ADARB2: variants seen among roughly 807,000 people sequenced by gnomAD.
ADARB2 encodes adenosine deaminase RNA specific B2 (inactive).
ADARB2 carries 25 observed loss-of-function variants against 62.2 expected under a neutral mutation model. The ratio of observed to expected loss-of-function variants is 0.40; its 90% CI spans 0.29 to 0.56. The LOEUF is 0.56. Among genes scored for constraint, ADARB2 ranks in the 20% least tolerant of loss-of-function variants. The pLI, the probability that ADARB2 is intolerant of heterozygous loss-of-function variation, is 0.43. For synonymous variants in ADARB2, 572 were observed against 500.8 expected, an observed-to-expected ratio of 1.14 and a Z score of -1.90; for missense variants, 1,071 against 1,077.4, an observed-to-expected ratio of 0.99 and a Z score of 0.08.
chr10:1,603,160 CA>C (rs1833448431), intron 1 of ADARB2, among the ~76,000 whole-genome samples: 1 of 86,666 alleles, frequency 1.2e-5, no homozygotes, highest in East Asian at 5.3e-4. Context: ...CCTGTACACA[CA>C]TTAACACACA....
At chr10:1,454,823 T>A (rs1461268671) in intron 1 of ADARB2, among the ~76,000 whole-genome samples, 5 of 152,202 alleles carry the variant, frequency 3.3e-5, no homozygotes, top group Non-Finnish European at 7.3e-5. Flanking sequence ...GGGTACATTT[T>A]GTGTTATGTA....
chr10:1,562,137 T>A (rs1343292751), intron 1 of ADARB2, among the ~76,000 whole-genome samples: 1 of 151,760 alleles, frequency 6.6e-6, no homozygotes, highest in Non-Finnish European at 1.5e-5. Flanking sequence ...TTGGTTCTTC[T>A]GCCTGGAGCA....
At chr10:1,724,965 G>A (rs541714860) in intron 1 of ADARB2, among the ~76,000 whole-genome samples, 1 of 152,330 alleles carries the variant, frequency 6.6e-6, no homozygotes, top group East Asian at 1.9e-4. Context: ...CAATGCACAT[G>A]AAGCTGTTAG....
intron 1 of ADARB2, among the ~76,000 whole-genome samples, chr10:1,545,709 T>A (rs1215125998): frequency 6.6e-6 from 1 of 152,178 alleles, no homozygotes; most frequent in Non-Finnish European, 1.5e-5. Context: ...CTATGGTGAC[T>A]GTGCTGCACT....
At chr10:1,623,271 G>A (rs11250672) in intron 1 of ADARB2, among the ~76,000 whole-genome samples, 24,089 of 152,094 alleles carry the variant, frequency 0.16, 2,000 homozygotes, top group Non-Finnish European at 0.19. Flanking sequence ...GACGTGAGGC[G>A]CATCCCAGGT....
At chr10:1,243,246 G>A (rs546948614) in intron 4 of ADARB2, among the ~76,000 whole-genome samples, 2 of 152,366 alleles carry the variant, frequency 1.3e-5, no homozygotes, top group East Asian at 1.9e-4. Flanking sequence ...GGCTGGGCCC[G>A]GATCGCAGGC....
chr10:1,613,954 C>A (rs566793788), intron 1 of ADARB2, among the ~76,000 whole-genome samples: 3 of 152,152 alleles, frequency 2.0e-5, no homozygotes, highest in African/African-American at 7.2e-5. Context: ...ATTTTTTATA[C>A]CTTGGCAAAA....
chr10:1,396,144 G>A (rs1486013382), intron 1 of ADARB2, among the ~76,000 whole-genome samples: 1 of 152,210 alleles, frequency 6.6e-6, no homozygotes, highest in African/African-American at 2.4e-5. Context: ...TAATAGCTGA[G>A]CTTGCAAGTC....
chr10:1,652,111 A>G lies in ADARB2; in HGVS notation c.100+84940T>C, dbSNP rs148153689. ...GGTGAACTCTGATTGGCCATCCAAT[A>G]TCTTTGATGTTCTAGGAGGTCACAC... On this transcript the variant is annotated intron_variant, in intron 1 of 9. Coordinates refer to ENST00000381312, the MANE Select transcript of ADARB2 (RefSeq NM_018702.4). 3.7e-3 allele frequency among the ~76,000 whole-genome samples: 565 copies of G among 152,298 alleles called. 3 individuals are homozygous for G. Among genetic ancestry groups the G allele is most frequent in the African/African-American group, 0.013 (540 of 41,562 alleles).
chr10:1,481,801 G>A (rs558892937), intron 1 of ADARB2, among the ~76,000 whole-genome samples: 9 of 149,434 alleles, frequency 6.0e-5, no homozygotes, highest in Admixed American at 2.7e-4. Context: ...AGTTTGCAGT[G>A]AGCTGAGATT....
chr10:1,587,174 A>C (rs145377492), intron 1 of ADARB2, among the ~76,000 whole-genome samples: 2 of 152,318 alleles, frequency 1.3e-5, no homozygotes, highest in African/African-American at 2.4e-5. Context: ...TTGAGAGTAA[A>C]ATTAATTTGT....
chr10:1,514,077 T>C (rs1358912293), intron 1 of ADARB2, among the ~76,000 whole-genome samples: 1 of 149,240 alleles, frequency 6.7e-6, no homozygotes, highest in African/African-American at 2.5e-5. Context: ...AAACAAAAAA[T>C]TAGCCAGGCA....
At chr10:1,639,941 C>G (rs565178929) in intron 1 of ADARB2, among the ~76,000 whole-genome samples, 2 of 152,298 alleles carry the variant, frequency 1.3e-5, no homozygotes, top group East Asian at 3.9e-4. Flanking sequence ...ATGACCTGCC[C>G]TTCTAACAGG....
At chr10:1,528,218 C>T (rs1274751788) in intron 1 of ADARB2, among the ~76,000 whole-genome samples, 5 of 152,228 alleles carry the variant, frequency 3.3e-5, no homozygotes, top group Non-Finnish European at 5.9e-5. Context: ...GATACAGCAG[C>T]TCCGCGCCTC....
At chr10:1,341,357 G>T (rs779116553) in intron 3 of ADARB2, among the ~76,000 whole-genome samples, 2 of 148,110 alleles carry the variant, frequency 1.4e-5, no homozygotes, top group Non-Finnish European at 3.0e-5. Context: ...GCCCTGCAAC[G>T]GCGATAATCA....
At chr10:1,232,924 GGT>G (rs796798834) in intron 6 of ADARB2, among the ~76,000 whole-genome samples, 3 of 151,700 alleles carry the variant, frequency 2.0e-5, no homozygotes, top group African/African-American at 4.8e-5. Flanking sequence ...TGGTATATGT[GGT>G]GTGTGTGTGG....
At chr10:1,452,011 T>C (rs1390404277) in intron 1 of ADARB2, among the ~76,000 whole-genome samples, 1 of 152,052 alleles carries the variant, frequency 6.6e-6, no homozygotes. Context: ...GAACGGTACC[T>C]AGGAATCACG....
In ADARB2 at chr10:1,667,144, A is replaced by G. The variant is rs560802844; in HGVS notation, c.100+69907T>C. Among the ~76,000 whole-genome samples the G allele has an allele frequency of 7.0e-4, 107 of 152,380 alleles. 1 individual carries two copies. The highest frequency in any genetic ancestry group is 2.5e-3 in the African/African-American group (106 of 41,588). ...CCCAAATAGAATTTAATTTAAAAGC[A>G]TAGATTTTATGATCTTGCTCATGAA... On this transcript the variant is annotated intron_variant, in intron 1 of 9. Coordinates refer to ENST00000381312, the MANE Select transcript of ADARB2 (RefSeq NM_018702.4).
chr10:1,673,983 A>C (rs1564364503), intron 1 of ADARB2, among the ~76,000 whole-genome samples: 1 of 152,262 alleles, frequency 6.6e-6, no homozygotes, highest in Non-Finnish European at 1.5e-5. Context: ...AAATGTGTTA[A>C]ATGTGCAAAA....
Sources: gnomAD v4.1 joint callset for allele counts (sites outside exome capture counted in the v4.1 genomes callset) on GRCh38, gnomAD v4.1.1 for gene constraint, MANE v1.5 for transcripts, NCBI Gene and HGNC (gene_info 2026-07-23, HGNC 2026-07-21) for gene names.